Variants in NUP160 observed in about 807,000 individuals in gnomAD.
NUP160 encodes nuclear pore complex protein Nup160.
In NUP160, 94 loss-of-function variants were observed where a neutral mutation model predicts 196.9. That is an observed-to-expected ratio of 0.48 (90% CI 0.40 to 0.57). The LOEUF (loss-of-function observed/expected upper bound fraction) is 0.57, where lower values mean the gene tolerates loss of function less well. NUP160 is among the 20% of genes least tolerant of loss of function. The probability of loss-of-function intolerance (pLI) is 0.00; values close to 1 mark genes in which losing one functional copy is unlikely to be tolerated. For synonymous variants in NUP160, 605 were observed against 619.7 expected (o/e 0.98, Z 0.35); for missense variants, 1,638 against 1,748.3 (o/e 0.94, Z 1.13).
At chr11:47,779,430 G>A (rs1599298088) in intron 35 of NUP160, 7 of 484,544 alleles carry the variant, frequency 1.4e-5, no homozygotes, top group Middle Eastern at 3.3e-4. Flanking sequence ...TTCTAAGTAT[G>A]GAAATCGTAC....
chr11:47,845,438 C>T (rs957179166), intron 2 of NUP160, among the ~76,000 whole-genome samples: 1 of 152,166 alleles, frequency 6.6e-6, no homozygotes, highest in Non-Finnish European at 1.5e-5. Flanking sequence ...CCATGCCTGG[C>T]TTCCTTTACT....
intron 21 of NUP160, 102 bp from the exon 22 acceptor site, chr11:47,803,638 G>T: frequency 1.4e-6 from 1 of 708,306 alleles, no homozygotes; most frequent in South Asian, 1.7e-5. Context: ...GACAGTGTTT[G>T]AACAAATGTT....
At chr11:47,778,813 T>C (rs1211193085) in exon 36 of NUP160, 2 of 225,218 alleles carry the variant, frequency 8.9e-6, no homozygotes, top group Non-Finnish European at 1.8e-5. Flanking sequence ...AATTTGCAGA[T>C]AATGAATGTC....
intron 7 of NUP160, among the ~76,000 whole-genome samples, chr11:47,823,031 T>C (rs11039414): frequency 0.35 from 53,085 of 152,134 alleles, 10,721 homozygotes; most frequent in South Asian, 0.52. Context: ...AATAAATATA[T>C]GTGTGCATGT....
chr11:47,783,028 G>A (rs563317492), intron 34 of NUP160, 45 bp downstream of exon 34: 12 of 1,538,698 alleles, frequency 7.8e-6, no homozygotes, highest in South Asian at 5.7e-5. Flanking sequence ...TTGAAAAATC[G>A]TAAGTCAAAC....
intron 31 of NUP160, among the ~76,000 whole-genome samples, chr11:47,787,547 AGCCTCCT>A (rs1221993885): frequency 6.7e-6 from 1 of 150,050 alleles, no homozygotes; most frequent in Non-Finnish European, 1.5e-5. Context: ...CTTGTGCCTA[AGCCTCCT>A]GAGAGGCTGA....
At chr11:47,809,256 C>CAAAAAAAAAAAAAAAAAAAA (rs35748617) in intron 17 of NUP160, among the ~76,000 whole-genome samples, 2 of 94,774 alleles carry the variant, frequency 2.1e-5, no homozygotes, top group Non-Finnish European at 1.9e-5. Flanking sequence ...GAACTTGTCT[C>CAAAAAAAAAAAAAAAAAAAA]AAAAAAAAAA....
At chr11:47,818,221 G>A (rs1461331189) in intron 10 of NUP160, 97 bp from the exon 11 acceptor site, 12 of 757,598 alleles carry the variant, frequency 1.6e-5, no homozygotes, top group Non-Finnish European at 2.3e-5. Context: ...TATGAACATT[G>A]CCATTTTGCC....
intron 34 of NUP160, 93 bp from the exon 35 acceptor site, chr11:47,780,540 CTTTT>C (rs72169400): frequency 5.7e-3 from 2,383 of 420,908 alleles, no homozygotes; most frequent in South Asian, 7.7e-3. Flanking sequence ...ATAAAATACC[CTTTT>C]TTTTTTTTTT....
At chr11:47,797,780 C>G (rs759112779) in exon 27 of NUP160, 2 of 1,606,940 alleles carry the variant, frequency 1.2e-6, no homozygotes, top group African/African-American at 2.7e-5. Flanking sequence ...ATTGCTCACC[C>G]TTGCGGTAAT....
chr11:47,796,838 A>C (rs2097671143), intron 27 of NUP160, among the ~76,000 whole-genome samples: 1 of 152,142 alleles, frequency 6.6e-6, no homozygotes, highest in African/African-American at 2.4e-5. Flanking sequence ...GATTACAGGC[A>C]TCCGCCACCA....
At chr11:47,820,988 T>C (rs577268095) in intron 9 of NUP160, among the ~76,000 whole-genome samples, 1 of 152,058 alleles carries the variant, frequency 6.6e-6, no homozygotes, top group East Asian at 1.9e-4. Context: ...CAGCCCTGTT[T>C]TAAAATAAAT....
chr11:47,848,345 C>A, exon 1 of NUP160: 1 of 1,613,330 alleles, frequency 6.2e-7, no homozygotes, highest in South Asian at 1.1e-5. Flanking sequence ...CGACGCCCAA[C>A]GGAACAAAGG....
At chr11:47,780,622 C>T (rs549104305) in intron 34 of NUP160, among the ~76,000 whole-genome samples, 175 bp from the exon 35 acceptor site, 12 of 151,546 alleles carry the variant, frequency 7.9e-5, no homozygotes, top group Admixed American at 1.3e-4. Context: ...CTGCAACCTC[C>T]GCCTCCTGGG....
chr11:47,791,244 C>T lies in NUP160; in HGVS notation c.3511+686G>A, dbSNP rs75459127. 6.3e-4 allele frequency among the ~76,000 whole-genome samples: 96 copies of T among 152,264 alleles called. No individual in the cohort carries two copies. In the East Asian group the frequency reaches 0.017, roughly 28 times the overall value. On this transcript the variant is annotated intron_variant, in intron 29 of 35. Transcript: ENST00000378460. ...GCTGCCGGCCTCAATCTACAGTAGA[C>T]ATCAAGCAGTTCAACTCTTTCTTGT...
intron 20 of NUP160, among the ~76,000 whole-genome samples, chr11:47,805,043 G>C (rs1233617484): frequency 6.6e-6 from 1 of 152,082 alleles, no homozygotes; most frequent in South Asian, 2.1e-4. Flanking sequence ...CTGGTGTACC[G>C]CAGAACACAG....
intron 11 of NUP160, among the ~76,000 whole-genome samples, chr11:47,816,421 T>C (rs1374614922): frequency 6.6e-6 from 1 of 152,198 alleles, no homozygotes; most frequent in Non-Finnish European, 1.5e-5. Context: ...CTAATATAAT[T>C]TTCAATTATA....
chr11:47,800,289 G>A (rs1171435827), intron 23 of NUP160, among the ~76,000 whole-genome samples: 1 of 150,532 alleles, frequency 6.6e-6, no homozygotes, highest in Non-Finnish European at 1.5e-5. Flanking sequence ...ATTATATAAA[G>A]CACATAATAC....
chr11:47,816,177 A>T, intron 11 of NUP160, 148 bp from the exon 12 acceptor site: 1 of 541,144 alleles, frequency 1.8e-6, no homozygotes. Flanking sequence ...AAAGTTAAGA[A>T]ACTGGGTGTA....
Sources: allele counts gnomAD v4.1 joint callset (sites outside exome capture counted in the v4.1 genomes callset), GRCh38; gene constraint gnomAD v4.1.1; transcripts MANE v1.5; gene names NCBI Gene and HGNC (gene_info 2026-07-23, HGNC 2026-07-21).